KIF23: variants seen among roughly 807,000 people sequenced by gnomAD.
KIF23 encodes kinesin-like protein KIF23.
Under a neutral mutation model 137.5 loss-of-function variants are expected in KIF23, and 30 were observed. The observed-to-expected ratio is 0.22, with a 90% CI of 0.16 to 0.30. The LOEUF (loss-of-function observed/expected upper bound fraction) is 0.30. KIF23 is among the 10% of genes least tolerant of loss of function. KIF23 has a pLI of 1.00. For synonymous variants in KIF23, 367 were observed against 391.1 expected (o/e 0.94, Z 0.73); for missense variants, 920 against 1,194.3 (o/e 0.77, Z 3.38).
intron 23 of KIF23, among the ~76,000 whole-genome samples, chr15:69,447,190 GTT>G (rs759756297): frequency 9.2e-5 from 14 of 152,340 alleles, no homozygotes; most frequent in Non-Finnish European, 1.9e-4. Context: ...GGTGGCTCAT[GTT>G]CATATTCTGC....
intron 19 of KIF23, 44 bp downstream of exon 19, chr15:69,441,123 ATCT>A: frequency 1.3e-6 from 2 of 1,500,282 alleles, no homozygotes; most frequent in East Asian, 2.3e-5. Context: ...AATAGATTTT[ATCT>A]TCTTTGTTTT....
At chr15:69,428,514 G>A (rs1030620525) in intron 10 of KIF23, among the ~76,000 whole-genome samples, 4 of 151,552 alleles carry the variant, frequency 2.6e-5, no homozygotes, top group Non-Finnish European at 5.9e-5. Flanking sequence ...AAAAAAATGA[G>A]CTGGGCATGG....
At chr15:69,423,741 T>C (rs543927132) in intron 7 of KIF23, among the ~76,000 whole-genome samples, 42 of 152,342 alleles carry the variant, frequency 2.8e-4, no homozygotes, top group African/African-American at 1.0e-3. Context: ...AAAGCTGTTA[T>C]CTATACAAGT....
chr15:69,416,858 G>A (rs995657217), intron 2 of KIF23, among the ~76,000 whole-genome samples: 1 of 152,200 alleles, frequency 6.6e-6, no homozygotes, highest in Non-Finnish European at 1.5e-5. Flanking sequence ...GGGAGGCTGA[G>A]GCAGGAGAAT....
intron 10 of KIF23, chr15:69,427,418 A>T (rs1440215132): frequency 8.8e-6 from 4 of 455,944 alleles, no homozygotes; most frequent in African/African-American, 8.0e-5. Flanking sequence ...TTGCTGTGAA[A>T]AAAGTTTGCA....
At position 69,421,974 on chromosome 15, in the gene KIF23, T is replaced by C. The variant is rs1425920714; in HGVS notation, c.317-18T>C. 6.2e-7 allele frequency: 1 copy of C among 1,612,442 alleles called. No individual in the cohort carries two copies. The stretch of plus-strand genomic sequence containing the variant: ...AGAACTTCTAAGATATAACTCATTG[T>C]GACTTGCTACACTGTAGGTCTTCTT... On this transcript the variant is annotated intron_variant, in intron 4 of 23. Coordinates refer to ENST00000679126, the MANE Select transcript of KIF23 (RefSeq NM_001367805.3).
chr15:69,429,434 A>G (rs1023439914), intron 11 of KIF23, among the ~76,000 whole-genome samples: 2 of 152,150 alleles, frequency 1.3e-5, no homozygotes, highest in Non-Finnish European at 2.9e-5. Flanking sequence ...CCTTCTGAGT[A>G]GATGGGACTA....
intron 11 of KIF23, among the ~76,000 whole-genome samples, chr15:69,431,189 G>GC (rs1386926069): frequency 6.6e-6 from 1 of 152,194 alleles, no homozygotes; most frequent in Non-Finnish European, 1.5e-5. Flanking sequence ...GCAGGTATAG[G>GC]CAGGTAATGA....
chr15:69,436,514 G>T, intron 14 of KIF23, 50 bp from the exon 15 acceptor site: 1 of 1,488,752 alleles, frequency 6.7e-7, no homozygotes. Context: ...GTTTAAATAA[G>T]CTCTTTCTCT....
chr15:69,437,958 C>G (rs775844051), intron 15 of KIF23, among the ~76,000 whole-genome samples: 1 of 152,098 alleles, frequency 6.6e-6, no homozygotes, highest in Admixed American at 6.5e-5. Context: ...TCTATTTTTG[C>G]GTTTGTTGTT....
Position 69,439,906 on chromosome 15 carries a change from T to C in KIF23, c.1758T>C (p.Ile586=). ...AACATAGTGGTCTACCTTCCTAGAT[T>C]GAGATTTTAGAGAAAACAACTACTA... ...EKKNKTLEYK[I]EILEKTTTIY... The change falls in exon 17 of 24, where the codon ATT becomes ATC. Residue 586 remains isoleucine (I), a splice_region_variant and synonymous_variant. Coordinates refer to ENST00000679126, the MANE Select transcript of KIF23 (RefSeq NM_001367805.3). The C allele has an allele frequency of 6.2e-7, 1 of 1,609,284 alleles. No individual in the cohort carries two copies. The highest frequency in any genetic ancestry group is 8.5e-7 in the Non-Finnish European group (1 of 1,177,522).
Position 69,435,548 on chromosome 15 carries a change from T to C in KIF23, c.1180T>C (p.Tyr394His). The C allele has an allele frequency of 1.2e-6, 2 of 1,614,142 alleles. No individual in the cohort carries two copies. The highest frequency in any genetic ancestry group is 1.7e-6 in the Non-Finnish European group (2 of 1,180,000). ...GGATGTCCTAAGAGAGAACCAAATG[T>C]ATGGAACTAACAAGGTAAGCAGCAG... The part of the protein sequence containing the change: ...CMDVLRENQM[Y>H]GTNKMVPYRD... The change falls in exon 12 of 24, where the codon TAT becomes CAT. Residue 394 changes from tyrosine to histidine, a missense_variant. Coordinates refer to ENST00000679126, the MANE Select transcript of KIF23 (RefSeq NM_001367805.3).
chr15:69,435,007 T>C, intron 11 of KIF23: 1 of 602,060 alleles, frequency 1.7e-6, no homozygotes. Flanking sequence ...ACGGACTCGC[T>C]CAACACCGCG....
rs748182171 is a variant in KIF23, at chr15:69,440,364, T to A, written c.1986T>A (p.Asp662Glu). The change falls in exon 18 of 24, where the codon GAT (aspartate) becomes GAA (glutamate). Residue 662 changes from aspartate to glutamate, a missense_variant. Physicochemically the swap from Asp to Glu is conservative, Grantham distance 45 (BLOSUM62 2). Transcript: ENST00000679126. Reference sequence around the variant, plus strand: ...TGCAGAATAAACTCTGGGTTAAAGATGAAAAGCTGAAACAACTGAAGGCTA... The same window carrying A: ...TGCAGAATAAACTCTGGGTTAAAGAAGAAAAGCTGAAACAACTGAAGGCTA... ...LEMQNKLWVK[D>E]EKLKQLKAIV... The A allele has an allele frequency of 9.0e-5, 145 of 1,613,742 alleles. No homozygotes were observed. The Admixed American group carries it at 2.4e-3, about 27-fold the overall frequency.
chr15:69,429,205 G>T lies in KIF23; in HGVS notation c.1106G>T (p.Arg369Leu). The T allele has an allele frequency of 6.2e-7, 1 of 1,605,650 alleles. No homozygotes were observed. The highest frequency in any genetic ancestry group is 8.5e-7 in the Non-Finnish European group (1 of 1,174,436). Residue 369 changes from arginine (R) to leucine (L), a missense_variant, in exon 11 of 24, where the codon CGT becomes CTT. Coordinates refer to ENST00000679126, the MANE Select transcript of KIF23 (RefSeq NM_001367805.3). ...NRTRAEGNRL[R>L]EAGNINQSLM... ...ACCAGAGCAGAAGGGAACAGATTAC[G>T]TGAAGCTGGTGAGTAAAGCATGGTA...
At chr15:69,424,994 G>T (rs2057153844) in intron 7 of KIF23, among the ~76,000 whole-genome samples, 1 of 152,182 alleles carries the variant, frequency 6.6e-6, no homozygotes, top group African/African-American at 2.4e-5. Context: ...TACAAAAGAA[G>T]ATTGACAAAA....
In KIF23 at chr15:69,440,927, A is replaced by C. The variant is rs2057603077; in HGVS notation, c.2269A>C (p.Thr757Pro). The change falls in exon 19 of 24, where the codon ACA becomes CCA. Residue 757 changes from threonine (T) to proline (P), a missense_variant. Physicochemically the swap from Thr to Pro is conservative, Grantham distance 38. Transcript: ENST00000679126. ...TACGTACAACACACCTCTCAAAGTC[A>C]CATCTATTGCAAGGCGTAGGCAGCA... ...IPTYNTPLKV[T>P]SIARRRQQEP... The C allele has an allele frequency of 1.2e-6, 2 of 1,614,220 alleles. No individual in the cohort carries two copies. Among genetic ancestry groups the C allele is most frequent in the Non-Finnish European group, 1.7e-6 (2 of 1,180,042 alleles).
intron 3 of KIF23, among the ~76,000 whole-genome samples, chr15:69,421,234 A>G (rs2057046060): frequency 6.6e-6 from 1 of 152,032 alleles, no homozygotes; most frequent in East Asian, 1.9e-4. Context: ...CTAAAAATAT[A>G]AAAATTAGCC....
chr15:69,447,726 T>C (rs2057770631), intron 23 of KIF23, 66 bp from the exon 24 acceptor site: 10 of 1,507,594 alleles, frequency 6.6e-6, no homozygotes, highest in African/African-American at 2.7e-5. Context: ...CTCCTAAAGA[T>C]TGATTTGCTA....
Sources: gnomAD v4.1 joint callset for allele counts (sites outside exome capture counted in the v4.1 genomes callset) on GRCh38, gnomAD v4.1.1 for gene constraint, MANE v1.5 for transcripts, NCBI Gene and HGNC (gene_info 2026-07-23, HGNC 2026-07-21) for gene names.